MAOA: variants seen among roughly 807,000 people sequenced by gnomAD.
MAOA encodes the protein amine oxidase [flavin-containing] A.
A neutral mutation model predicts 42.0 loss-of-function variants in MAOA; 6 were observed. The ratio of observed to expected loss-of-function variants is 0.14; its 90% CI spans 0.08 to 0.28. The LOEUF (loss-of-function observed/expected upper bound fraction) is 0.28. MAOA is among the 10% of genes least tolerant of loss of function. The pLI is 1.00. For missense variants in MAOA, 262 were observed against 422.3 expected (o/e 0.62, Z 3.33); for synonymous variants, 140 against 154.0 (o/e 0.91, Z 0.67).
rs111154873 is a variant in MAOA at position 43,693,230 on chromosome X, C to A, written c.169-61C>A. 5,344 of 1,107,116 alleles carry A rather than the reference C, an allele frequency of 4.8e-3. 130 individuals carry two copies. In the Admixed American group the frequency reaches 0.074, roughly 15 times the overall value. 91.2% of individuals were successfully genotyped at this position (1,107,116 alleles called of 1,213,427 possible). A position where few individuals can be genotyped will look rare whatever the true frequency, so the allele number is the denominator to read the frequency against. ...AAAAATAAATGGGGTTATTTTTTTA[C>A]AAGACACCTTTTTTCCAAGTTTTAA... On this transcript the variant is annotated intron_variant, in intron 2 of 14. Coordinates refer to ENST00000338702, the MANE Select transcript of MAOA (RefSeq NM_000240.4).
rs769511910 is a variant in MAOA, at chrX:43,693,409, G to A, written c.287G>A (p.Arg96His). The A allele has an allele frequency of 2.5e-6, 3 of 1,210,737 alleles. No homozygotes were observed. Among genetic ancestry groups the A allele is most frequent in the Admixed American group, 2.2e-5 (1 of 46,025 alleles). Reference protein sequence around the residue: ...IETYKVNVSERLVQYVKGKTY... With the variant: ...IETYKVNVSEHLVQYVKGKTY... Reference sequence around the variant, plus strand: ...ACTTACAAAGTGAATGTCAGTGAGCGTCTCGTTCAATATGTCAAGGTAAGG... The same window carrying A: ...ACTTACAAAGTGAATGTCAGTGAGCATCTCGTTCAATATGTCAAGGTAAGG... Residue 96 changes from arginine (R) to histidine (H), a missense_variant, in exon 3 of 15, where the codon CGT (arginine) becomes CAT (histidine). Arg to His is a conservative substitution (Grantham distance 29). Coordinates refer to ENST00000338702, the MANE Select transcript of MAOA (RefSeq NM_000240.4).
chrX:43,716,755 G>T (rs2033747005), intron 5 of MAOA, among the ~76,000 whole-genome samples: 1 of 110,602 alleles, frequency 9.0e-6, no homozygotes, highest in Non-Finnish European at 1.9e-5. Context: ...GTGGTGGGGG[G>T]AGATGGGAAT....
chrX:43,676,047 T>G (rs1298838717), intron 1 of MAOA, among the ~76,000 whole-genome samples: 8 of 112,064 alleles, frequency 7.1e-5, no homozygotes, highest in African/African-American at 2.3e-4. Context: ...GCCCCCAGAG[T>G]TGGAGCCTAC....
rs185951457 is a variant in MAOA at position 43,658,596 on chromosome X, A to T, written c.73+2182A>T. The stretch of plus-strand genomic sequence containing the variant: ...CACTCTTAATTATTAATTTATTTCC[A>T]TTTGGGGGAAGTAGAGGGCATTTCT... On this transcript the variant is annotated intron_variant, in intron 1 of 14. Coordinates refer to ENST00000338702, the MANE Select transcript of MAOA (RefSeq NM_000240.4). Among the ~76,000 whole-genome samples, 183 of 111,522 alleles carry T rather than the reference A, an allele frequency of 1.6e-3. 2 individuals carry two copies. The highest frequency in any genetic ancestry group is 5.9e-3 in the African/African-American group (181 of 30,680).
At chrX:43,676,150 G>A (rs2033393376) in intron 1 of MAOA, among the ~76,000 whole-genome samples, 1 of 112,005 alleles carries the variant, frequency 8.9e-6, no homozygotes, top group South Asian at 3.7e-4. Flanking sequence ...GGGCAATGGC[G>A]GGTGCCCCTC....
At chrX:43,659,896 C>T (rs926428119) in intron 1 of MAOA, among the ~76,000 whole-genome samples, 3 of 111,148 alleles carry the variant, frequency 2.7e-5, no homozygotes, top group Non-Finnish European at 3.8e-5. Context: ...GACCTCCCTC[C>T]CCCCATCACC....
chrX:43,711,891 G>T lies in MAOA; in HGVS notation c.326G>T (p.Arg109Leu). 1 of 1,203,749 alleles carries T rather than the reference G, an allele frequency of 8.3e-7. No individual in the cohort carries two copies. Among genetic ancestry groups the T allele is most frequent in the South Asian group, 1.8e-5 (1 of 56,799 alleles). The change falls in exon 4 of 15, where the codon CGG becomes CTG. Residue 109 changes from arginine to leucine, a missense_variant. Around this residue, in one of 3 missense-constraint regions of MAOA, gnomAD observed 141 missense variants for 195.6 expected, o/e 0.72. Coordinates refer to ENST00000338702, the MANE Select transcript of MAOA (RefSeq NM_000240.4). ...QYVKGKTYPF[R>L]GAFPPVWNPI... Reference sequence around the variant, plus strand: ...TTCTAGGGGAAAACATATCCATTTCGGGGCGCCTTTCCACCAGTATGGAAT... The same window carrying T: ...TTCTAGGGGAAAACATATCCATTTCTGGGCGCCTTTCCACCAGTATGGAAT...
intron 2 of MAOA, among the ~76,000 whole-genome samples, chrX:43,690,982 C>G (rs1349290801): frequency 9.0e-6 from 1 of 111,062 alleles, no homozygotes; most frequent in Non-Finnish European, 1.9e-5. Context: ...AATAGACACC[C>G]AACAAAGAGG....
At chrX:43,678,497 C>T (rs1380834873) in intron 1 of MAOA, among the ~76,000 whole-genome samples, 1 of 112,134 alleles carries the variant, frequency 8.9e-6, no homozygotes, top group Non-Finnish European at 1.9e-5. Flanking sequence ...ACTTAAGAAT[C>T]TTTTCTAACA....
chrX:43,744,325 C>T (rs1325790219), intron 14 of MAOA, 42 bp from the exon 15 acceptor site: 1 of 1,203,267 alleles, frequency 8.3e-7, no homozygotes, highest in African/African-American at 1.7e-5. Context: ...TCCTCCTTGT[C>T]AGCATGAGTT....
At chrX:43,682,551 A>G (rs2033452875) in intron 1 of MAOA, among the ~76,000 whole-genome samples, 1 of 112,013 alleles carries the variant, frequency 8.9e-6, no homozygotes, top group Admixed American at 9.5e-5. Flanking sequence ...CCATATTGAT[A>G]TATTAATAAG....
At chrX:43,683,079 T>A (rs1410701673) in intron 1 of MAOA, among the ~76,000 whole-genome samples, 3 of 111,323 alleles carry the variant, frequency 2.7e-5, no homozygotes, top group Non-Finnish European at 5.7e-5. Context: ...ATTTTTAAGT[T>A]GAGAAAAGCA....
chrX:43,725,812 G>A (rs1054359472), intron 5 of MAOA, among the ~76,000 whole-genome samples: 2 of 111,992 alleles, frequency 1.8e-5, no homozygotes, highest in African/African-American at 6.5e-5. Flanking sequence ...GCTGGTACTG[G>A]TTGTCCTTTC....
chrX:43,738,804 G>C (rs1001822208), intron 10 of MAOA, among the ~76,000 whole-genome samples: 7 of 111,994 alleles, frequency 6.3e-5, no homozygotes, highest in African/African-American at 2.3e-4. Context: ...TTGGGTGACA[G>C]AGTGAGACCC....
intron 5 of MAOA, among the ~76,000 whole-genome samples, chrX:43,713,841 G>A (rs1388178697): frequency 4.5e-5 from 5 of 111,838 alleles, no homozygotes; most frequent in African/African-American, 9.8e-5. Context: ...ATGAGCCATC[G>A]GGGCAGGGGG....
rs1321037718 is a variant in MAOA, at chrX:43,746,397, A to C, written c.*1884A>C. On this transcript the variant is annotated 3_prime_UTR_variant, in exon 15 of 15. Coordinates refer to ENST00000338702, the MANE Select transcript of MAOA (RefSeq NM_000240.4). ...CCTAGACACGAAATTGGAGCTGAGG[A>C]CTCTCACGATATGCAAGTTCATCCA... 1 of 111,740 alleles carries C rather than the reference A, an allele frequency of 8.9e-6. No homozygotes were observed. Among genetic ancestry groups the C allele is most frequent in the Non-Finnish European group, 1.9e-5 (1 of 53,182 alleles). 9.2% of individuals were successfully genotyped at this position (111,740 alleles called of 1,213,427 possible).
chrX:43,657,136 T>G (rs1196486526), intron 1 of MAOA, among the ~76,000 whole-genome samples: 1 of 90,426 alleles, frequency 1.1e-5, no homozygotes, highest in Non-Finnish European at 2.2e-5. Flanking sequence ...ACTGTGTTTA[T>G]ATATATATAT....
chrX:43,716,525 G>A (rs1461009408), intron 5 of MAOA, among the ~76,000 whole-genome samples: 3 of 110,899 alleles, frequency 2.7e-5, no homozygotes, highest in African/African-American at 9.9e-5. Context: ...AGATGTTTTG[G>A]TGAGGGAGTG....
chrX:43,661,094 C>T (rs768511304), intron 1 of MAOA, among the ~76,000 whole-genome samples: 9 of 111,607 alleles, frequency 8.1e-5, no homozygotes, highest in South Asian at 3.7e-4. Flanking sequence ...TAGCTTTGAA[C>T]GCATTTAAGG....
Sources: allele counts gnomAD v4.1 joint callset (sites outside exome capture counted in the v4.1 genomes callset), GRCh38; gene constraint gnomAD v4.1.1; regional missense constraint gnomAD v4.1.1; transcripts MANE v1.5; gene names NCBI Gene and HGNC (gene_info 2026-07-23, HGNC 2026-07-21).